CDCA2: variants seen among roughly 807,000 people sequenced by gnomAD.
CDCA2 encodes the protein cell division cycle-associated protein 2.
In CDCA2, 44 loss-of-function variants were observed where a neutral mutation model predicts 67.0. The observed-to-expected ratio is 0.66, with a 90% CI of 0.52 to 0.84. The LOEUF is 0.84. Among genes scored for constraint, CDCA2 ranks in the 40% least tolerant of loss-of-function variants. The pLI is 0.00. For missense variants in CDCA2, 1,253 were observed against 1,203.2 expected (o/e 1.04, Z -0.61); for synonymous variants, 447 against 418.7 (o/e 1.07, Z -0.82).
chr8:25,505,977 C>T lies in CDCA2; in HGVS notation c.1844-533C>T, dbSNP rs560544831. Among the ~76,000 whole-genome samples the T allele has an allele frequency of 2.8e-4, 43 of 152,260 alleles. No individual in the cohort carries two copies. In the South Asian group the frequency reaches 5.8e-3, roughly 21 times the overall value. On this transcript the variant is annotated intron_variant, in intron 14 of 14. Coordinates refer to ENST00000330560, the MANE Select transcript of CDCA2 (RefSeq NM_152562.4). ...TATTGAAACAAACCTGGTTCTGTTT[C>T]GGAGTACAGTGCACTTTATAGTAAT...
At chr8:25,496,265 A>G (rs893128563) in intron 13 of CDCA2, among the ~76,000 whole-genome samples, 3 of 152,202 alleles carry the variant, frequency 2.0e-5, no homozygotes, top group Non-Finnish European at 2.9e-5. Flanking sequence ...GAAATAACAC[A>G]TAAGTTTATT....
chr8:25,488,723 G>T, intron 13 of CDCA2, 34 bp downstream of exon 13: 1 of 1,515,796 alleles, frequency 6.6e-7, no homozygotes, highest in Non-Finnish European at 8.8e-7. Context: ...ATAAAGAGTA[G>T]AAGTGGTGTG....
chr8:25,477,728 G>A (rs1448203606), intron 7 of CDCA2, among the ~76,000 whole-genome samples: 3 of 152,034 alleles, frequency 2.0e-5, no homozygotes, highest in African/African-American at 7.2e-5. Flanking sequence ...CTTGAATTAA[G>A]TATCCAGCTC....
chr8:25,475,379 C>T (rs1404634666), intron 7 of CDCA2, among the ~76,000 whole-genome samples: 4 of 152,026 alleles, frequency 2.6e-5, no homozygotes, highest in Non-Finnish European at 5.9e-5. Flanking sequence ...ATTAGCCAGG[C>T]GTGGTGGCAC....
chr8:25,494,968 A>C (rs1804156992), intron 13 of CDCA2, among the ~76,000 whole-genome samples: 1 of 152,184 alleles, frequency 6.6e-6, no homozygotes, highest in Non-Finnish European at 1.5e-5. Flanking sequence ...CAGCCCTGCC[A>C]ACACCCTGAT....
At chr8:25,480,167 G>T in intron 8 of CDCA2, 43 bp downstream of exon 8, 1 of 1,497,098 alleles carries the variant, frequency 6.7e-7, no homozygotes, top group South Asian at 1.2e-5. Context: ...GAATAAAAAT[G>T]CATTTTGCTT....
intron 13 of CDCA2, among the ~76,000 whole-genome samples, chr8:25,498,017 A>T (rs999404260): frequency 3.3e-5 from 5 of 152,160 alleles, no homozygotes; most frequent in African/African-American, 1.2e-4. Context: ...AAGGGAAGTA[A>T]AAAAGGAGCC....
At chr8:25,488,728 G>C (rs756261584) in intron 13 of CDCA2, 39 bp downstream of exon 13, 2 of 1,486,876 alleles carry the variant, frequency 1.3e-6, no homozygotes, top group Non-Finnish European at 1.8e-6. Context: ...GAGTAGAAGT[G>C]GTGTGTTTCC....
Position 25,506,911 on chromosome 8 carries a change from C to T in CDCA2, c.2245C>T (p.Leu749Phe), listed in dbSNP as rs778553059. 6.2e-7 allele frequency: 1 copy of T among 1,612,590 alleles called. No individual in the cohort carries two copies. Among genetic ancestry groups the T allele is most frequent in the Admixed American group, 1.7e-5 (1 of 59,768 alleles). Residue 749 changes from leucine to phenylalanine, a missense_variant, in exon 15 of 15, where the codon CTT becomes TTT. By Grantham distance (22) the Leu-to-Phe change is conservative. Coordinates refer to ENST00000330560, the MANE Select transcript of CDCA2 (RefSeq NM_152562.4). ...TGCTGGTGGTCAAAATGCAGAAAACCTTTGTCAGTTCTTTAAAATTTCACC... is the reference window on the plus strand; with the variant it reads ...TGCTGGTGGTCAAAATGCAGAAAACTTTTGTCAGTTCTTTAAAATTTCACC... ...FSAGGQNAEN[L>F]CQFFKISPDL...
chr8:25,507,841 T>G lies in CDCA2; in HGVS notation c.*103T>G. On this transcript the variant is annotated 3_prime_UTR_variant, in exon 15 of 15. Transcript: ENST00000330560. ...CTGTTCAACCTCAGTGTTTCAAAAG[T>G]TCCTAATAAATAAACTCATTTGAGT... is the stretch of plus-strand genomic sequence containing the variant. 1.6e-6 allele frequency: 2 copies of G among 1,260,246 alleles called. No individual in the cohort carries two copies. Among genetic ancestry groups the G allele is most frequent in the South Asian group, 4.0e-5 (2 of 50,098 alleles). The allele number at this position is 1,260,246 out of a possible 1,614,324, so 78.1% of individuals were successfully genotyped here. A position where few individuals can be genotyped will look rare whatever the true frequency, so the allele number is the denominator to read the frequency against.
intron 3 of CDCA2, among the ~76,000 whole-genome samples, 154 bp from the exon 4 acceptor site, chr8:25,461,900 G>A (rs1802704313): frequency 6.6e-6 from 1 of 152,204 alleles, no homozygotes; most frequent in South Asian, 2.1e-4. Flanking sequence ...TCCACTGATT[G>A]TATATGAATG....
Position 25,460,431 on chromosome 8 carries a change from A to G in CDCA2, c.109A>G (p.Lys37Glu). The G allele has an allele frequency of 1.2e-6, 2 of 1,614,194 alleles. No homozygotes were observed. Among genetic ancestry groups the G allele is most frequent in the Non-Finnish European group, 1.7e-6 (2 of 1,180,036 alleles). ...LGTGKIVTPQ[K>E]HAELPPNPCT... is the part of the protein sequence containing the mutation. ...AACTGGGAAGATTGTGACTCCTCAG[A>G]AGCATGCCGAATTACCTCCTAATCC... Residue 37 changes from lysine to glutamate, a missense_variant, in exon 3 of 15, where the codon AAG becomes GAG. By Grantham distance (56) the Lys-to-Glu change is moderately conservative. Coordinates refer to ENST00000330560, the MANE Select transcript of CDCA2 (RefSeq NM_152562.4).
At position 25,507,014 on chromosome 8, in the gene CDCA2, T is replaced by A; in HGVS notation, c.2348T>A (p.Met783Lys). 6.2e-7 allele frequency: 1 copy of A among 1,614,156 alleles called. No homozygotes were observed. Among genetic ancestry groups the A allele is most frequent in the Non-Finnish European group, 8.5e-7 (1 of 1,180,000 alleles). The change falls in exon 15 of 15, where the codon ATG (methionine) becomes AAG (lysine). Residue 783 changes from methionine to lysine, a missense_variant. Transcript: ENST00000330560. The stretch of plus-strand genomic sequence containing the variant: ...GGAAAACTGCAATGCAATCGTTTAA[T>A]GCCTAATTCACAAAAAGACTGTCAT... ...AEGKLQCNRLMPNSQKDCHCL... is the reference protein window; with the variant it reads ...AEGKLQCNRLKPNSQKDCHCL...
chr8:25,472,368 C>T (rs1375449696), intron 7 of CDCA2, among the ~76,000 whole-genome samples: 2 of 152,078 alleles, frequency 1.3e-5, no homozygotes, highest in Admixed American at 1.3e-4. Flanking sequence ...TCTCCCACCT[C>T]AGCCTCCCGA....
At position 25,468,490 on chromosome 8, in the gene CDCA2, G is replaced by A. The variant is rs530264830; in HGVS notation, c.735+77G>A. The A allele has an allele frequency of 1.6e-3, 1,913 of 1,178,182 alleles. 36 individuals are homozygous for A. The South Asian group carries it at 0.025, about 15-fold the overall frequency. The allele number at this position is 1,178,182 out of a possible 1,614,324, so 73.0% of individuals were successfully genotyped here. On this transcript the variant is annotated intron_variant, in intron 6 of 14. Coordinates refer to ENST00000330560, the MANE Select transcript of CDCA2 (RefSeq NM_152562.4). ...AGGCAGTTTTAAGGCTGTCAGTGCC[G>A]TTCTTCAATTTTAGTACCTTGTTCT...
intron 3 of CDCA2, among the ~76,000 whole-genome samples, chr8:25,460,790 G>A (rs756076769): frequency 1.3e-5 from 2 of 152,168 alleles, no homozygotes; most frequent in Non-Finnish European, 2.9e-5. Flanking sequence ...AGTCGTGCTT[G>A]ATGCCAATAC....
At chr8:25,503,337 C>A in intron 13 of CDCA2, 36 bp from the exon 14 acceptor site, 1 of 1,511,186 alleles carries the variant, frequency 6.6e-7, no homozygotes, top group Non-Finnish European at 9.2e-7. Flanking sequence ...GGTGCTACAT[C>A]TTTCTCAATT....
chr8:25,486,859 T>C (rs183885276), intron 11 of CDCA2, among the ~76,000 whole-genome samples: 141 of 152,262 alleles, frequency 9.3e-4, no homozygotes, highest in Non-Finnish European at 1.6e-3. Context: ...TCCTACACTT[T>C]AAATAAAATT....
At chr8:25,467,642 G>A (rs1802967339) in intron 5 of CDCA2, among the ~76,000 whole-genome samples, 1 of 152,106 alleles carries the variant, frequency 6.6e-6, no homozygotes, top group Non-Finnish European at 1.5e-5. Flanking sequence ...AAGTATTTTA[G>A]TATATCTTTG....
Sources: allele counts gnomAD v4.1 joint callset (sites outside exome capture counted in the v4.1 genomes callset), GRCh38; gene constraint gnomAD v4.1.1; transcripts MANE v1.5; gene names NCBI Gene and HGNC (gene_info 2026-07-23, HGNC 2026-07-21).